Variants in NAALADL2 observed in about 807,000 individuals in gnomAD.
NAALADL2 encodes inactive N-acetylated-alpha-linked acidic dipeptidase-like protein 2.
A neutral mutation model predicts 87.2 loss-of-function variants in NAALADL2; 76 were observed. The observed-to-expected ratio is 0.87, with a 90% CI of 0.72 to 1.05. The LOEUF (loss-of-function observed/expected upper bound fraction) is 1.05. NAALADL2 is among the 50% of genes least tolerant of loss of function. The pLI, the probability that NAALADL2 is intolerant of heterozygous loss-of-function variation, is 0.00. For missense variants in NAALADL2, 1,089 were observed against 945.8 expected (o/e 1.15, Z -1.99); for synonymous variants, 354 against 331.0 (o/e 1.07, Z -0.75).
intron 3 of NAALADL2, among the ~76,000 whole-genome samples, chr3:175,241,308 C>T (rs1239422467): frequency 6.6e-6 from 1 of 152,074 alleles, no homozygotes; most frequent in South Asian, 2.1e-4. Context: ...GTAACCTCTG[C>T]CTCCCTGCTT....
chr3:174,991,092 A>G (rs886731000), intron 1 of NAALADL2, among the ~76,000 whole-genome samples: 35 of 152,188 alleles, frequency 2.3e-4, no homozygotes, highest in African/African-American at 8.2e-4. Context: ...CTAATTTAAA[A>G]AAAACCTTGA....
In NAALADL2 at chr3:175,253,209, G is replaced by A. The variant is rs541050575; in HGVS notation, c.820-3202G>A. ...AGCTCCAAAGGTAAGGCTGACTCTC[G>A]TTAGGATGTAATGCTGCTGGTGACT... On this transcript the variant is annotated intron_variant, in intron 3 of 13. Transcript: ENST00000454872. Among the ~76,000 whole-genome samples the A allele has an allele frequency of 1.1e-4, 16 of 152,290 alleles. No homozygotes were observed. The East Asian group carries it at 2.9e-3, about 28-fold the overall frequency.
chr3:175,617,028 G>A (rs1231026053), intron 10 of NAALADL2, among the ~76,000 whole-genome samples: 1 of 152,126 alleles, frequency 6.6e-6, no homozygotes, highest in African/African-American at 2.4e-5. Context: ...GAGGATGGTA[G>A]TTCCCATAGG....
At chr3:175,194,233 A>G (rs1215461257) in intron 2 of NAALADL2, among the ~76,000 whole-genome samples, 1 of 151,926 alleles carries the variant, frequency 6.6e-6, no homozygotes, top group Non-Finnish European at 1.5e-5. Context: ...CAAAGTTAAC[A>G]GGTTGAATGA....
At chr3:174,809,426 A>G (rs867279222) in intron 3 of NAALADL2, among the ~76,000 whole-genome samples, 58 of 152,344 alleles carry the variant, frequency 3.8e-4, no homozygotes, top group Admixed American at 3.7e-3. Context: ...ACTATGTTCC[A>G]TATCAATATG....
At chr3:175,666,742 A>G (rs1236044123) in intron 11 of NAALADL2, among the ~76,000 whole-genome samples, 3 of 152,260 alleles carry the variant, frequency 2.0e-5, no homozygotes, top group East Asian at 3.9e-4. Context: ...TATTGGTTTC[A>G]GTTTATATTT....
intron 10 of NAALADL2, among the ~76,000 whole-genome samples, chr3:175,598,332 T>TA (rs777621022): frequency 6.7e-6 from 1 of 149,852 alleles, no homozygotes; most frequent in African/African-American, 2.5e-5. Context: ...CAGTTGGGTC[T>TA]AAAAAAATAG....
At chr3:175,400,983 TA>T (rs1307396591) in intron 5 of NAALADL2, among the ~76,000 whole-genome samples, 1 of 152,186 alleles carries the variant, frequency 6.6e-6, no homozygotes, top group Non-Finnish European at 1.5e-5. Flanking sequence ...AATCAGCCTT[TA>T]TGCAGCAAGT....
chr3:175,396,142 C>T (rs116819401), intron 5 of NAALADL2, among the ~76,000 whole-genome samples: 2 of 152,178 alleles, frequency 1.3e-5, no homozygotes, highest in Middle Eastern at 3.4e-3. Flanking sequence ...AGTCCATGAC[C>T]GTCTTCCTAG....
At chr3:175,398,344 CTTTTTTTT>C (rs776575751) in intron 5 of NAALADL2, among the ~76,000 whole-genome samples, 2,282 of 112,048 alleles carry the variant, frequency 0.02, 30 homozygotes, top group South Asian at 0.056. Context: ...GCTTCTGCTA[CTTTTTTTT>C]TTTTTTTTTT....
intron 1 of NAALADL2, among the ~76,000 whole-genome samples, chr3:175,088,407 G>A (rs2108298090): frequency 6.6e-6 from 1 of 152,262 alleles, no homozygotes; most frequent in Non-Finnish European, 1.5e-5. Context: ...ACAGTATCAT[G>A]ATATATTAAC....
At chr3:175,750,643 A>G (rs926803619) in intron 12 of NAALADL2, among the ~76,000 whole-genome samples, 1 of 152,122 alleles carries the variant, frequency 6.6e-6, no homozygotes, top group Non-Finnish European at 1.5e-5. Flanking sequence ...ACATCCCAGA[A>G]CTTTCAAGAG....
chr3:174,773,675 G>A (rs966046795), intron 3 of NAALADL2, among the ~76,000 whole-genome samples: 10 of 152,090 alleles, frequency 6.6e-5, no homozygotes, highest in Non-Finnish European at 1.5e-4. Flanking sequence ...AGAAACTAGC[G>A]GTAAGTGGGC....
chr3:174,926,138 G>A (rs927363018), intron 1 of NAALADL2, among the ~76,000 whole-genome samples: 9 of 152,092 alleles, frequency 5.9e-5, no homozygotes, highest in East Asian at 1.9e-4. Flanking sequence ...GAAATGAAGC[G>A]AGAAGAGAAG....
intron 2 of NAALADL2, among the ~76,000 whole-genome samples, chr3:174,648,881 TGAGA>T (rs558796798): frequency 4.1e-4 from 62 of 152,242 alleles, no homozygotes; most frequent in Admixed American, 2.6e-3. Context: ...ACATATGTGT[TGAGA>T]GAGAGAGGTT....
intron 1 of NAALADL2, among the ~76,000 whole-genome samples, chr3:174,939,547 T>C (rs570784908): frequency 6.6e-6 from 1 of 152,064 alleles, no homozygotes; most frequent in East Asian, 1.9e-4. Context: ...CTGTGAAAAA[T>C]GTCATTGGTA....
chr3:175,337,533 G>A (rs1276365966), intron 5 of NAALADL2, among the ~76,000 whole-genome samples: 1 of 152,098 alleles, frequency 6.6e-6, no homozygotes, highest in Non-Finnish European at 1.5e-5. Context: ...GCCATGTGAA[G>A]CACGAACAAA....
In NAALADL2 at chr3:175,067,704, G is replaced by C. The variant is rs189941253; in HGVS notation, c.44-29086G>C. ...CTGGAGATGCCTCAAAGAACTAAAA[G>C]CAGAACTACCGTTTGACCCAGCAAT... On this transcript the variant is annotated intron_variant, in intron 1 of 13. Coordinates refer to ENST00000454872, the MANE Select transcript of NAALADL2 (RefSeq NM_207015.3). Among the ~76,000 whole-genome samples the C allele has an allele frequency of 6.5e-3, 987 of 151,972 alleles. 2 individuals carry two copies. The highest frequency in any genetic ancestry group is 0.01 in the Non-Finnish European group (694 of 67,934).
chr3:175,222,841 A>G (rs897964391), intron 2 of NAALADL2, among the ~76,000 whole-genome samples: 18 of 152,168 alleles, frequency 1.2e-4, no homozygotes, highest in Non-Finnish European at 2.1e-4. Context: ...AAGAAAAAAC[A>G]TTTAGAGAGA....
Sources: gnomAD v4.1 joint callset for allele counts (sites outside exome capture counted in the v4.1 genomes callset) on GRCh38, gnomAD v4.1.1 for gene constraint, MANE v1.5 for transcripts, NCBI Gene and HGNC (gene_info 2026-07-23, HGNC 2026-07-21) for gene names.